The following IL17REL variants were observed in gnomAD, a reference collection of about 807,000 sequenced individuals.
IL17REL encodes the protein interleukin-17 receptor E-like protein.
In IL17REL, 36 loss-of-function variants were observed where a neutral mutation model predicts 49.0. The observed-to-expected ratio is 0.73, with a 90% confidence interval of 0.56 to 0.97. The LOEUF (loss-of-function observed/expected upper bound fraction) is 0.97, where lower values mean the gene tolerates loss of function less well. IL17REL is among the 50% of genes least tolerant of loss of function. The pLI, the probability that IL17REL is intolerant of heterozygous loss-of-function variation, is 0.00. For synonymous variants in IL17REL, 206 were observed against 192.4 expected, an observed-to-expected ratio of 1.07 and a Z score of -0.58; for missense variants, 470 against 453.9, an observed-to-expected ratio of 1.04 and a Z score of -0.32.
intron 9 of IL17REL, 124 bp downstream of exon 11, chr22:49,997,901 G>A (rs1214046952): frequency 4.2e-6 from 6 of 1,419,198 alleles, no homozygotes; most frequent in African/African-American, 1.4e-5. Flanking sequence ...CCAGGAGGGG[G>A]CTCTGAGGGA....
At chr22:50,009,595 A>G (rs932186832), upstream of IL17REL, among the ~76,000 whole-genome samples, 2 of 146,234 alleles carry the variant, frequency 1.4e-5, no homozygotes, top group African/African-American at 2.5e-5. Context: ...CCATTCTTGA[A>G]AAGAGCTGAC....
upstream of IL17REL, among the ~76,000 whole-genome samples, chr22:50,011,004 T>TC (rs71196396): frequency 7.0e-5 from 10 of 142,476 alleles, no homozygotes; most frequent in Non-Finnish European, 1.1e-4. Flanking sequence ...CCCGCGCGGG[T>TC]CCCCCCCCAG....
chr22:50,000,621 G>T (rs1397041911), intron 3 of IL17REL, 29 bp from the exon 5 acceptor site: 1 of 1,592,116 alleles, frequency 6.3e-7, no homozygotes. Context: ...GAGCTGCGTG[G>T]ACTCAGAGGC....
At chr22:49,997,324 G>A (rs1408688715) in exon 11 of IL17REL, 3 of 1,613,274 alleles carry the variant, frequency 1.9e-6, no homozygotes, top group Non-Finnish European at 2.5e-6. Flanking sequence ...GCTCACTGAG[G>A]CTGAAGGGAG....
At chr22:50,010,434 G>A (rs1185489402), upstream of IL17REL, among the ~76,000 whole-genome samples, 1 of 152,236 alleles carries the variant, frequency 6.6e-6, no homozygotes, top group Non-Finnish European at 1.5e-5. Flanking sequence ...GAGGCAGCGT[G>A]GGGAGGCCCA....
upstream of IL17REL, among the ~76,000 whole-genome samples, chr22:50,010,570 G>T (rs1372035954): frequency 6.6e-6 from 1 of 152,242 alleles, no homozygotes; most frequent in African/African-American, 2.4e-5. Context: ...CCACCTTCAG[G>T]AGAGAAAGAA....
rs765139228 is a variant in IL17REL, at chr22:49,999,292, G to A, written c.600C>T (p.Asn200=). 119 of 1,612,990 alleles carry A rather than the reference G, an allele frequency of 7.4e-5. 2 individuals are homozygous for A. In the South Asian group the frequency reaches 1.2e-3, roughly 17 times the overall value. The change falls in exon 7 of 13, where the codon AAC becomes AAT. Residue 200 remains asparagine, a splice_region_variant and synonymous_variant. Coordinates refer to ENST00000341280, the Ensembl canonical transcript of IL17REL. ...CCGTTGGCATCGCAGGACACTTGCC[G>A]TTTTCAAAGGGGCAGATCTGGATCC... is the stretch of plus-strand genomic sequence containing the variant.
At chr22:49,998,058 C>T (rs751223670) in exon 9 of IL17REL, 33 of 1,593,728 alleles carry the variant, frequency 2.1e-5, no homozygotes, top group Middle Eastern at 1.8e-4. Flanking sequence ...TGTCCACCAG[C>T]GGGTACTGCA....
At chr22:50,007,121 G>A (rs2061114589) in intron 1 of IL17REL, among the ~76,000 whole-genome samples, 1 of 152,084 alleles carries the variant, frequency 6.6e-6, no homozygotes, top group East Asian at 1.9e-4. Context: ...GACATCTAGT[G>A]CAAACATCCA....
chr22:50,001,452 T>G (rs137847), intron 1 of IL17REL, among the ~76,000 whole-genome samples: 3 of 152,072 alleles, frequency 2.0e-5, no homozygotes, highest in Admixed American at 2.0e-4. Context: ...GGAGTGGGCC[T>G]GGGTCAGGGG....
exon 5 of IL17REL, chr22:49,999,941 G>A (rs920206972): frequency 1.3e-6 from 2 of 1,525,540 alleles, no homozygotes. Flanking sequence ...TTGCGCCTCC[G>A]GTCCACCCAG....
At chr22:49,996,007 G>C (rs1353627531) in exon 13 of IL17REL, 1 of 152,588 alleles carries the variant, frequency 6.6e-6, no homozygotes, top group Admixed American at 6.5e-5. Context: ...CTTTGCTAGG[G>C]AGGGGGACCT....
chr22:49,998,376 T>C (rs1445749211), intron 7 of IL17REL, 67 bp from the exon 10 acceptor site: 32 of 1,465,894 alleles, frequency 2.2e-5, no homozygotes, highest in Non-Finnish European at 2.9e-5. Context: ...CCATGGGGTC[T>C]AGCACCCACT....
At chr22:50,004,970 T>TAAAA (rs11455056) in intron 1 of IL17REL, among the ~76,000 whole-genome samples, 2 of 51,956 alleles carry the variant, frequency 3.8e-5, no homozygotes, top group Non-Finnish European at 8.8e-5. Context: ...AACCAGAAAG[T>TAAAA]AAAAAAAAAA....
chr22:49,997,353 G>A lies in IL17REL; in HGVS notation c.941C>T (p.Ala314Val), dbSNP rs2061042445. ...AAGGGAGCGGGCTGGCCTGGAGTGTGCGTTGGCAGGCAGGGAGCTGTGACT... is the reference window on the plus strand; with the variant it reads ...AAGGGAGCGGGCTGGCCTGGAGTGTACGTTGGCAGGCAGGGAGCTGTGACT... The change falls in exon 11 of 13, where the codon GCA becomes GTA. Residue 314 changes from alanine (A) to valine (V), a missense_variant. Transcript: ENST00000341280. The A allele has an allele frequency of 6.2e-7, 1 of 1,613,876 alleles. No individual in the cohort carries two copies. The highest frequency in any genetic ancestry group is 8.5e-7 in the Non-Finnish European group (1 of 1,179,990).
intron 7 of IL17REL, 100 bp from the exon 10 acceptor site, chr22:49,998,409 C>A (rs2061050812): frequency 3.1e-6 from 3 of 972,124 alleles, no homozygotes; most frequent in Non-Finnish European, 2.8e-6. Context: ...GGGCCAGGGT[C>A]CAGCGCAGTC....
chr22:50,012,622 A>C (rs970217637), upstream of IL17REL: 6 of 152,302 alleles, frequency 3.9e-5, no homozygotes, highest in South Asian at 4.1e-4. Context: ...AGGCCCAAGA[A>C]CGCGAGTGCT....
chr22:50,007,375 A>G (rs1236898422), intron 1 of IL17REL, among the ~76,000 whole-genome samples: 1 of 152,026 alleles, frequency 6.6e-6, no homozygotes, highest in Non-Finnish European at 1.5e-5. Context: ...TTATTTGTTT[A>G]TTTATGTTTT....
chr22:49,998,067 C>T (rs1186856215), exon 9 of IL17REL: 29 of 1,594,234 alleles, frequency 1.8e-5, no homozygotes, highest in Admixed American at 7.4e-5. Context: ...GCGGGTACTG[C>T]ACCTGAGGAG....
Sources: gnomAD v4.1 joint callset for allele counts (sites outside exome capture counted in the v4.1 genomes callset) on GRCh38, gnomAD v4.1.1 for gene constraint, MANE v1.5 for transcripts, NCBI Gene and HGNC (gene_info 2026-07-23, HGNC 2026-07-21) for gene names.